Variants in HOMER1 observed in about 807,000 individuals in gnomAD.
The protein encoded by HOMER1 is homer protein homolog 1.
Under a neutral mutation model 48.9 loss-of-function variants are expected in HOMER1, and 3 were observed. The observed-to-expected ratio is 0.06, with a 90% CI of 0.03 to 0.16. HOMER1 has a LOEUF of 0.16. Among genes scored for constraint, HOMER1 ranks in the 10% least tolerant of loss-of-function variants. The pLI is 1.00. For missense variants in HOMER1, 247 were observed against 411.4 expected (o/e 0.60, Z 3.46); for synonymous variants, 134 against 146.4 (o/e 0.92, Z 0.61).
At position 79,474,922 on chromosome 5, in the gene HOMER1, T is replaced by C. The variant is rs117824644; in HGVS notation, c.6-17904A>G. Among the ~76,000 whole-genome samples, 37 of 152,316 alleles carry C rather than the reference T, an allele frequency of 2.4e-4. 3 individuals carry two copies. In the East Asian group the frequency reaches 7.1e-3, roughly 29 times the overall value. On this transcript the variant is annotated intron_variant, in intron 1 of 8. Transcript: ENST00000334082. The stretch of plus-strand genomic sequence containing the variant: ...TGATGTCTCAGCAATTTTCCTTTTA[T>C]AAATTGAGCACACAAATTACAAATT...
At chr5:79,484,845 G>C (rs1431795425) in intron 1 of HOMER1, among the ~76,000 whole-genome samples, 1 of 152,176 alleles carries the variant, frequency 6.6e-6, no homozygotes, top group Non-Finnish European at 1.5e-5. Flanking sequence ...TCTGTTAAGT[G>C]AATGAAATTC....
chr5:79,467,601 G>C (rs543809464), intron 1 of HOMER1, among the ~76,000 whole-genome samples: 93 of 152,070 alleles, frequency 6.1e-4, no homozygotes, highest in Non-Finnish European at 6.9e-4. Context: ...AGAGATACTT[G>C]AACAAAATGT....
chr5:79,495,483 T>C (rs112608837), intron 1 of HOMER1, among the ~76,000 whole-genome samples: 7 of 152,228 alleles, frequency 4.6e-5, no homozygotes, highest in African/African-American at 1.7e-4. Context: ...CATACATCTC[T>C]ATTACAGCAC....
intron 4 of HOMER1, among the ~76,000 whole-genome samples, chr5:79,446,466 G>C (rs2112286706): frequency 6.6e-6 from 1 of 152,164 alleles, no homozygotes; most frequent in Admixed American, 6.5e-5. Flanking sequence ...GACTCCCCTT[G>C]TGGTTACATT....
rs1469713314 is a variant in HOMER1 at position 79,374,044 on chromosome 5, T to C, written c.*1965A>G. On this transcript the variant is annotated 3_prime_UTR_variant, in exon 9 of 9. Transcript: ENST00000334082. ...AGCTTACACTGTTTTTTAAATTTTT[T>C]TAACTCTTCATACTAAACTCCCTGA... 2 of 152,254 alleles carry C rather than the reference T, an allele frequency of 1.3e-5. No individual in the cohort carries two copies. The highest frequency in any genetic ancestry group is 2.9e-5 in the Non-Finnish European group (2 of 67,856). The allele number at this position is 152,254 out of a possible 1,614,324, so 9.4% of individuals were successfully genotyped here.
At chr5:79,478,002 T>C (rs1280614415) in intron 1 of HOMER1, among the ~76,000 whole-genome samples, 1 of 151,448 alleles carries the variant, frequency 6.6e-6, no homozygotes, top group Non-Finnish European at 1.5e-5. Context: ...CAATAAGTTA[T>C]TATTTTCAGT....
rs1186865305 is a variant in HOMER1, at chr5:79,373,533, AT to A, written c.*2475del. 2 of 151,866 alleles carry A rather than the reference AT, an allele frequency of 1.3e-5. No homozygotes were observed. The highest frequency in any genetic ancestry group is 4.8e-5 in the African/African-American group (2 of 41,404). 9.4% of individuals were successfully genotyped at this position (151,866 alleles called of 1,614,324 possible). A position where few individuals can be genotyped will look rare whatever the true frequency, so the allele number is the denominator to read the frequency against. On this transcript the variant is annotated 3_prime_UTR_variant, in exon 9 of 9. Coordinates refer to ENST00000334082, the MANE Select transcript of HOMER1 (RefSeq NM_004272.5). ...CAAATTTTAATATGCAAATGTTTAT[AT>A]AATACAGAAATGGAAAAAACTACAG... is the stretch of plus-strand genomic sequence containing the variant.
chr5:79,388,394 T>C (rs1008409482), intron 8 of HOMER1, among the ~76,000 whole-genome samples: 12 of 152,194 alleles, frequency 7.9e-5, no homozygotes, highest in Admixed American at 7.9e-4. Context: ...CAAACTGCTA[T>C]TCTATCCACA....
intron 1 of HOMER1, among the ~76,000 whole-genome samples, chr5:79,503,521 T>A (rs1447506051): frequency 1.8e-5 from 2 of 109,534 alleles, no homozygotes; most frequent in African/African-American, 4.0e-5. Context: ...AGAGTGAGAC[T>A]CTGTCACAAA....
intron 4 of HOMER1, among the ~76,000 whole-genome samples, chr5:79,444,379 T>TA (rs1750819871): frequency 6.6e-6 from 1 of 152,170 alleles, no homozygotes; most frequent in African/African-American, 2.4e-5. Context: ...AAATGCTTTT[T>TA]AAAAAATGAT....
intron 3 of HOMER1, 91 bp downstream of exon 3, chr5:79,450,899 C>T: frequency 1.6e-6 from 2 of 1,215,152 alleles, no homozygotes; most frequent in South Asian, 1.7e-5. Flanking sequence ...TAAATTTCTC[C>T]TATATTTTAT....
At chr5:79,430,867 G>A (rs1437214445) in intron 5 of HOMER1, among the ~76,000 whole-genome samples, 1 of 151,960 alleles carries the variant, frequency 6.6e-6, no homozygotes, top group Non-Finnish European at 1.5e-5. Flanking sequence ...AACCCAGGAG[G>A]CGGAGGTTGC....
chr5:79,414,731 C>T (rs537769501), intron 5 of HOMER1, among the ~76,000 whole-genome samples: 1 of 152,208 alleles, frequency 6.6e-6, no homozygotes, highest in South Asian at 2.1e-4. Flanking sequence ...GCCACCTCCT[C>T]TGGTCCTTGT....
intron 1 of HOMER1, among the ~76,000 whole-genome samples, chr5:79,508,292 C>T (rs1019672555): frequency 1.3e-5 from 2 of 152,000 alleles, no homozygotes; most frequent in African/African-American, 4.8e-5. Context: ...TAAAATAGAA[C>T]GGAACAGAAT....
chr5:79,469,260 C>T (rs1050644315), intron 1 of HOMER1, among the ~76,000 whole-genome samples: 2 of 152,032 alleles, frequency 1.3e-5, no homozygotes, highest in Non-Finnish European at 2.9e-5. Flanking sequence ...CCTGGCTCAG[C>T]GTCAAAAAAC....
chr5:79,398,758 C>T (rs921033371), intron 6 of HOMER1, among the ~76,000 whole-genome samples: 2 of 152,176 alleles, frequency 1.3e-5, no homozygotes, highest in Admixed American at 6.5e-5. Flanking sequence ...ACCATCCACA[C>T]TGCCCAAGAT....
At chr5:79,378,222 C>CAAAAAAAAAA (rs58802660) in intron 8 of HOMER1, among the ~76,000 whole-genome samples, 10 of 85,580 alleles carry the variant, frequency 1.2e-4, no homozygotes, top group African/African-American at 3.1e-4. Flanking sequence ...GACTCTGTCT[C>CAAAAAAAAAA]AAAAAAAAAA....
chr5:79,479,040 G>A (rs1438492777), intron 1 of HOMER1, among the ~76,000 whole-genome samples: 1 of 152,186 alleles, frequency 6.6e-6, no homozygotes, highest in Non-Finnish European at 1.5e-5. Context: ...AATGACGCAA[G>A]TTTTAAGGTA....
intron 1 of HOMER1, among the ~76,000 whole-genome samples, chr5:79,502,006 T>C (rs1449593449): frequency 6.7e-6 from 1 of 148,890 alleles, no homozygotes; most frequent in Non-Finnish European, 1.5e-5. Context: ...GTAAGAACAG[T>C]AACAGGTCCT....
Sources: allele counts gnomAD v4.1 joint callset (sites outside exome capture counted in the v4.1 genomes callset), GRCh38; gene constraint gnomAD v4.1.1; transcripts MANE v1.5; gene names NCBI Gene and HGNC (gene_info 2026-07-23, HGNC 2026-07-21).